The following METTL14 variants were observed in gnomAD, a reference collection of about 807,000 sequenced individuals.
METTL14 encodes methyltransferase 14, N6-adenosine-methyltransferase non-catalytic subunit.
METTL14 carries 32 observed loss-of-function variants against 62.4 expected under a neutral mutation model. The observed-to-expected ratio is 0.51, with a 90% CI of 0.39 to 0.69. The LOEUF is 0.69. Ranked by LOEUF, METTL14 falls within the 30% of genes least tolerant of loss-of-function variation. METTL14 has a pLI of 0.00. For synonymous variants in METTL14, 150 were observed against 180.0 expected (o/e 0.83, Z 1.34); for missense variants, 340 against 551.9 (o/e 0.62, Z 3.85).
intron 8 of METTL14, among the ~76,000 whole-genome samples, chr4:118,701,212 C>G (rs1445927315): frequency 7.5e-6 from 1 of 133,220 alleles, no homozygotes; most frequent in Non-Finnish European, 1.6e-5. Context: ...AGACAAGGTA[C>G]CAACTCTGTT....
intron 6 of METTL14, among the ~76,000 whole-genome samples, chr4:118,696,792 T>C (rs1299410955): frequency 1.3e-5 from 2 of 152,160 alleles, no homozygotes; most frequent in East Asian, 1.9e-4. Flanking sequence ...AACTGAACAA[T>C]TGAGAATAAA....
chr4:118,713,386 T>C lies in METTL14; in HGVS notation c.*3084T>C, dbSNP rs554389820. ...AATACTTTCTACCCATCTTAATTGC[T>C]AAATTATCTTTCAGTTAGTTACAGC... On this transcript the variant is annotated 3_prime_UTR_variant, in exon 11 of 11. Transcript: ENST00000388822. 4 of 152,354 alleles carry C rather than the reference T, an allele frequency of 2.6e-5. No individual in the cohort carries two copies. The highest frequency in any genetic ancestry group is 4.8e-5 in the African/African-American group (2 of 41,600). The allele number at this position is 152,354 out of a possible 1,614,324, so 9.4% of individuals were successfully genotyped here. A position where few individuals can be genotyped will look rare whatever the true frequency, so the allele number is the denominator to read the frequency against.
intron 1 of METTL14, among the ~76,000 whole-genome samples, chr4:118,685,821 C>G (rs1380836739): frequency 6.6e-6 from 1 of 152,108 alleles, no homozygotes; most frequent in Non-Finnish European, 1.5e-5. Context: ...TGGTGCTAAA[C>G]CGAATGCCAG....
At chr4:118,706,445 G>A (rs542138139) in intron 10 of METTL14, among the ~76,000 whole-genome samples, 1 of 152,194 alleles carries the variant, frequency 6.6e-6, no homozygotes, top group South Asian at 2.1e-4. Flanking sequence ...TTTTAGTGCC[G>A]AATAATATTC....
intron 3 of METTL14, among the ~76,000 whole-genome samples, chr4:118,690,035 C>CTTTT (rs70941200): frequency 0.22 from 18,828 of 86,620 alleles, 3,230 homozygotes; most frequent in East Asian, 0.41. Context: ...TAATAATATT[C>CTTTT]TTTTTTTTTT....
intron 9 of METTL14, 151 bp from the exon 10 acceptor site, chr4:118,705,460 C>T (rs1410288518): frequency 2.6e-5 from 17 of 664,000 alleles, no homozygotes; most frequent in Non-Finnish European, 3.9e-5. Flanking sequence ...GGTGACAGAG[C>T]GAGACCCAGT....
At chr4:118,687,180 G>A (rs1480233051) in intron 1 of METTL14, among the ~76,000 whole-genome samples, 1 of 152,134 alleles carries the variant, frequency 6.6e-6, no homozygotes, top group Non-Finnish European at 1.5e-5. Context: ...AAATGCTTGG[G>A]CCAGAAGTGT....
chr4:118,685,635 G>A, intron 1 of METTL14, 35 bp downstream of exon 1: 5 of 1,597,136 alleles, frequency 3.1e-6, no homozygotes, highest in Non-Finnish European at 4.3e-6. Flanking sequence ...GGGAGGGATC[G>A]AGAATGCGAG....
chr4:118,705,482 G>A, intron 9 of METTL14, 129 bp from the exon 10 acceptor site: 1 of 770,500 alleles, frequency 1.3e-6, no homozygotes, highest in Non-Finnish European at 2.2e-6. Context: ...TCAAAAAGAA[G>A]AGAAATAACT....
chr4:118,693,461 G>A (rs59747638), intron 5 of METTL14, among the ~76,000 whole-genome samples: 3 of 152,060 alleles, frequency 2.0e-5, no homozygotes, highest in East Asian at 1.9e-4. Flanking sequence ...ATATTTTCTC[G>A]CATTCTGTGG....
At chr4:118,688,903 A>G (rs910812250) in intron 2 of METTL14, among the ~76,000 whole-genome samples, 6 of 152,050 alleles carry the variant, frequency 3.9e-5, no homozygotes, top group African/African-American at 1.2e-4. Flanking sequence ...CGATCTCTTG[A>G]CTTTTTGATC....
rs1412860706 is a variant in METTL14 at position 118,712,636 on chromosome 4, A to T, written c.*2334A>T. ...CTCTGTCTCAAAAAAAAAAAAAAAA[A>T]TTGTATAGAAATAAATTTTTAGTTG... On this transcript the variant is annotated 3_prime_UTR_variant, in exon 11 of 11. Coordinates refer to ENST00000388822, the MANE Select transcript of METTL14 (RefSeq NM_020961.4). The T allele has an allele frequency of 1.3e-5, 2 of 149,314 alleles. No individual in the cohort carries two copies. 9.2% of individuals were successfully genotyped at this position (149,314 alleles called of 1,614,324 possible). A position where few individuals can be genotyped will look rare whatever the true frequency, so the allele number is the denominator to read the frequency against.
chr4:118,699,142 G>A (rs1161208153), intron 7 of METTL14, among the ~76,000 whole-genome samples: 2 of 152,084 alleles, frequency 1.3e-5, no homozygotes, highest in Non-Finnish European at 1.5e-5. Context: ...ACTGGAAGAC[G>A]TGTTTCTTAG....
rs1192051488 is a variant in METTL14 at position 118,700,989 on chromosome 4, A to C, written c.738+347A>C. On this transcript the variant is annotated intron_variant, in intron 8 of 10. Coordinates refer to ENST00000388822, the MANE Select transcript of METTL14 (RefSeq NM_020961.4). Reference sequence around the variant, plus strand: ...AGTAGCTAAAAAGTGTTCTATGAGTAGCTAAAAGTATTCAGGAGCATTGGC... The same window carrying C: ...AGTAGCTAAAAAGTGTTCTATGAGTCGCTAAAAGTATTCAGGAGCATTGGC... Among the ~76,000 whole-genome samples the C allele has an allele frequency of 3.3e-5, 5 of 152,120 alleles. No homozygotes were observed. In the East Asian group the frequency reaches 9.7e-4, roughly 29 times the overall value.
chr4:118,696,313 G>A (rs982146501), intron 6 of METTL14, among the ~76,000 whole-genome samples: 2 of 151,414 alleles, frequency 1.3e-5, no homozygotes, highest in African/African-American at 4.9e-5. Flanking sequence ...TCTATTTTGA[G>A]ACCAGGCTGG....
chr4:118,691,832 A>G, intron 4 of METTL14, 149 bp from the exon 5 acceptor site: 1 of 621,642 alleles, frequency 1.6e-6, no homozygotes, highest in South Asian at 2.4e-5. Flanking sequence ...CTGAAAAGTA[A>G]TAATTTTAGT....
intron 3 of METTL14, among the ~76,000 whole-genome samples, chr4:118,690,290 G>A (rs72679004): frequency 0.29 from 43,012 of 150,844 alleles, 7,041 homozygotes; most frequent in Non-Finnish European, 0.37. Flanking sequence ...CACCCGCCTC[G>A]GCCTCCCAAA....
chr4:118,698,223 G>A (rs188781458), intron 7 of METTL14, among the ~76,000 whole-genome samples: 24 of 152,176 alleles, frequency 1.6e-4, no homozygotes, highest in Non-Finnish European at 2.1e-4. Context: ...GGGAGGCCGA[G>A]GAGGGTGGAT....
intron 7 of METTL14, among the ~76,000 whole-genome samples, chr4:118,698,353 T>C (rs1222771256): frequency 6.8e-6 from 1 of 147,950 alleles, no homozygotes; most frequent in Non-Finnish European, 1.5e-5. Context: ...CTCGGGAGGC[T>C]GAGGCAAGAC....
Sources: gnomAD v4.1 joint callset for allele counts (sites outside exome capture counted in the v4.1 genomes callset) on GRCh38, gnomAD v4.1.1 for gene constraint, MANE v1.5 for transcripts, NCBI Gene and HGNC (gene_info 2026-07-23, HGNC 2026-07-21) for gene names.